The following SEMA3E variants were observed in gnomAD, a reference collection of about 807,000 sequenced individuals.
SEMA3E encodes the protein semaphorin-3E.
SEMA3E carries 49 observed loss-of-function variants against 93.6 expected under a neutral mutation model. The observed-to-expected ratio is 0.52, with a 90% confidence interval of 0.42 to 0.66. The LOEUF is 0.66. Ranked by LOEUF, SEMA3E falls within the 30% of genes least tolerant of loss-of-function variation. The pLI, the probability that SEMA3E is intolerant of heterozygous loss-of-function variation, is 0.00. For missense variants in SEMA3E, 906 were observed against 964.8 expected (o/e 0.94, Z 0.81); for synonymous variants, 363 against 330.7 (o/e 1.10, Z -1.06).
At chr7:83,434,419 T>A (rs1184333969) in intron 4 of SEMA3E, among the ~76,000 whole-genome samples, 8 of 152,196 alleles carry the variant, frequency 5.3e-5, no homozygotes, top group Admixed American at 2.0e-4. Flanking sequence ...ATAAGCAGTA[T>A]GCAATCTCAA....
At position 83,502,952 on chromosome 7, in the gene SEMA3E, A is replaced by G. The variant is rs562829156; in HGVS notation, c.116-12678T>C. 2.5e-4 allele frequency among the ~76,000 whole-genome samples: 38 copies of G among 152,214 alleles called. 1 individual carries two copies. The South Asian group carries it at 7.3e-3, about 29-fold the overall frequency. On this transcript the variant is annotated intron_variant, in intron 1 of 16. Coordinates refer to ENST00000643230, the MANE Select transcript of SEMA3E (RefSeq NM_012431.3). Reference sequence around the variant, plus strand: ...ATAACTAACTGGTAGGACTGCCGTAAGAATCAAATGATTCATAGTACCTAA... The same window carrying G: ...ATAACTAACTGGTAGGACTGCCGTAGGAATCAAATGATTCATAGTACCTAA...
In SEMA3E at chr7:83,617,497, T is replaced by TAATTTATATA. The variant is rs1554344721; in HGVS notation, c.115+30930_115+30931insTATATAAATT. 3.9e-5 allele frequency among the ~76,000 whole-genome samples: 3 copies of TAATTTATATA among 77,310 alleles called. 1 individual carries two copies. The highest frequency in any genetic ancestry group is 1.3e-4 in the African/African-American group (3 of 22,782). The allele number at this position is 77,310 out of a possible 152,430, so 50.7% of individuals were successfully genotyped here. On this transcript the variant is annotated intron_variant, in intron 1 of 16. Coordinates refer to ENST00000643230, the MANE Select transcript of SEMA3E (RefSeq NM_012431.3). ...ATATAAATTTTATATAAATAATATA[T>TAATTTATATA]AATTTTATATAAATAATATATAATT...
intron 15 of SEMA3E, among the ~76,000 whole-genome samples, chr7:83,386,321 C>T (rs1215796781): frequency 6.6e-6 from 1 of 152,048 alleles, no homozygotes; most frequent in Non-Finnish European, 1.5e-5. Flanking sequence ...GGTGTCCCTT[C>T]TTATTATTAC....
At chr7:83,508,105 C>G (rs1251327463) in intron 1 of SEMA3E, among the ~76,000 whole-genome samples, 1 of 152,084 alleles carries the variant, frequency 6.6e-6, no homozygotes, top group Non-Finnish European at 1.5e-5. Context: ...CAATTACAGC[C>G]CTCAGAGAGC....
At chr7:83,548,478 AAGG>A (rs1791695791) in intron 1 of SEMA3E, among the ~76,000 whole-genome samples, 1 of 152,052 alleles carries the variant, frequency 6.6e-6, no homozygotes, top group Admixed American at 6.6e-5. Flanking sequence ...ACTAAACAGA[AAGG>A]AGGAGTTTCA....
chr7:83,393,316 T>C (rs1000774563), intron 13 of SEMA3E, among the ~76,000 whole-genome samples: 14 of 151,758 alleles, frequency 9.2e-5, no homozygotes, highest in Admixed American at 8.5e-4. Flanking sequence ...GGTAAATTGC[T>C]TGAGCCCAGG....
intron 1 of SEMA3E, among the ~76,000 whole-genome samples, chr7:83,606,209 A>C (rs941988347): frequency 6.6e-6 from 1 of 152,196 alleles, no homozygotes; most frequent in African/African-American, 2.4e-5. Flanking sequence ...TGGTTTACAG[A>C]AGGAAGAGAA....
intron 5 of SEMA3E, among the ~76,000 whole-genome samples, chr7:83,410,213 T>G (rs2115661753): frequency 6.6e-6 from 1 of 152,058 alleles, no homozygotes; most frequent in Admixed American, 6.5e-5. Flanking sequence ...TTATATATTC[T>G]AAATGAGAGA....
At position 83,408,336 on chromosome 7, in the gene SEMA3E, C is replaced by T. The variant is rs550380592; in HGVS notation, c.670+32G>A. ...CGTAAGTTTTAGAGTTGATTTCAAT[C>T]CTAATTCACATACTCTTTTCCTCAT... On this transcript the variant is annotated intron_variant, in intron 6 of 16. Transcript: ENST00000643230. 4 of 1,613,072 alleles carry T rather than the reference C, an allele frequency of 2.5e-6. No homozygotes were observed. The East Asian group carries it at 8.9e-5, about 36-fold the overall frequency.
rs1271718530 is a variant in SEMA3E, at chr7:83,592,775, T to C, written c.115+55653A>G. On this transcript the variant is annotated intron_variant, in intron 1 of 16. Transcript: ENST00000643230. ...AAAGGAGTGAATAAAACAACTGAAG[T>C]AAAGCCTGGTCCCAGAGGAAAGAGA... Among the ~76,000 whole-genome samples the C allele has an allele frequency of 2.6e-5, 4 of 152,000 alleles. No homozygotes were observed. In the East Asian group the frequency reaches 5.8e-4, roughly 22 times the overall value.
At chr7:83,635,503 T>C (rs957271820) in intron 1 of SEMA3E, among the ~76,000 whole-genome samples, 12 of 151,900 alleles carry the variant, frequency 7.9e-5, no homozygotes, top group Admixed American at 2.6e-4. Flanking sequence ...TTTCTATTTA[T>C]GCCCATTAGT....
chr7:83,550,958 T>C (rs1335594933), intron 1 of SEMA3E, among the ~76,000 whole-genome samples: 1 of 152,094 alleles, frequency 6.6e-6, no homozygotes, highest in Non-Finnish European at 1.5e-5. Flanking sequence ...AATAAAAGTA[T>C]AACATAATTA....
chr7:83,648,700 G>GTAT lies in SEMA3E; in HGVS notation c.-161_-159dup, dbSNP rs1794113133. ...GTTCCGAAGTGCCATTTGTCAGGCT[G>GTAT]TATTTGGCTATGTAAAACCTTTCTT... On this transcript the variant is annotated 5_prime_UTR_variant, in exon 1 of 17. Transcript: ENST00000643230. 1.4e-6 allele frequency: 1 copy of GTAT among 698,182 alleles called. No homozygotes were observed. The highest frequency in any genetic ancestry group is 1.8e-5 in the African/African-American group (1 of 56,838). The allele number at this position is 698,182 out of a possible 1,614,324, so 43.2% of individuals were successfully genotyped here. A position where few individuals can be genotyped will look rare whatever the true frequency, so the allele number is the denominator to read the frequency against.
chr7:83,522,420 G>C (rs961551091), intron 1 of SEMA3E, among the ~76,000 whole-genome samples: 4 of 152,044 alleles, frequency 2.6e-5, no homozygotes, highest in African/African-American at 9.7e-5. Flanking sequence ...TAAAAGCCCA[G>C]GTCCCTCGAC....
chr7:83,483,995 C>G (rs554979253), intron 2 of SEMA3E, among the ~76,000 whole-genome samples: 1 of 152,276 alleles, frequency 6.6e-6, no homozygotes, highest in Admixed American at 6.5e-5. Context: ...TGTACCACCC[C>G]CAATCTGACC....
intron 6 of SEMA3E, among the ~76,000 whole-genome samples, chr7:83,407,851 T>C (rs1022855429): frequency 9.9e-5 from 15 of 152,104 alleles, no homozygotes; most frequent in Non-Finnish European, 1.9e-4. Flanking sequence ...GGAAAGTAAT[T>C]AAAATGCTCA....
intron 1 of SEMA3E, among the ~76,000 whole-genome samples, chr7:83,534,294 T>C (rs1265717409): frequency 2.0e-5 from 3 of 148,518 alleles, no homozygotes; most frequent in Admixed American, 2.0e-4. Flanking sequence ...GGCATTAGGA[T>C]TTTTTTGAAG....
chr7:83,391,612 TACTC>T (rs1045069753), intron 14 of SEMA3E, among the ~76,000 whole-genome samples: 29 of 152,048 alleles, frequency 1.9e-4, no homozygotes, highest in Non-Finnish European at 2.2e-4. Flanking sequence ...TTTTTTAAAA[TACTC>T]ACTGGAGTGT....
chr7:83,510,987 A>G (rs1790805539), intron 1 of SEMA3E, among the ~76,000 whole-genome samples: 2 of 152,154 alleles, frequency 1.3e-5, no homozygotes, highest in African/African-American at 4.8e-5. Flanking sequence ...TTTTTAAAAG[A>G]TGGTGTTTCA....
Sources: allele counts gnomAD v4.1 joint callset (sites outside exome capture counted in the v4.1 genomes callset), GRCh38; gene constraint gnomAD v4.1.1; transcripts MANE v1.5; gene names NCBI Gene and HGNC (gene_info 2026-07-23, HGNC 2026-07-21).